GPC3: variants seen among roughly 807,000 people sequenced by gnomAD.
GPC3 encodes the protein glypican 3.
In GPC3, 3 loss-of-function variants were observed where a neutral mutation model predicts 34.4. The observed-to-expected ratio is 0.09, with a 90% CI of 0.04 to 0.23. GPC3 has a LOEUF of 0.23. Among genes scored for constraint, GPC3 ranks in the 10% least tolerant of loss-of-function variants. The probability of loss-of-function intolerance (pLI) is 1.00; values close to 1 mark genes in which losing one functional copy is unlikely to be tolerated. For synonymous variants in GPC3, 177 were observed against 174.0 expected (o/e 1.02, Z -0.13); for missense variants, 351 against 445.6 (o/e 0.79, Z 1.91).
rs1268216012 is a variant in GPC3, at chrX:133,953,037, C to A, written c.337+13G>T. ...CACTAAGCAGCACATCTAAAATAATCCCCAGAACTCACCTTGGAAAACCGC... is the reference window on the plus strand; with the variant it reads ...CACTAAGCAGCACATCTAAAATAATACCCAGAACTCACCTTGGAAAACCGC... On this transcript the variant is annotated intron_variant, in intron 2 of 7. Transcript: ENST00000370818. The A allele has an allele frequency of 8.3e-7, 1 of 1,200,317 alleles. No homozygotes were observed. Among genetic ancestry groups the A allele is most frequent in the South Asian group, 1.8e-5 (1 of 56,660 alleles).
chrX:133,622,551 C>T (rs2070246295), intron 6 of GPC3, among the ~76,000 whole-genome samples: 2 of 111,667 alleles, frequency 1.8e-5, no homozygotes, highest in African/African-American at 6.5e-5. Flanking sequence ...CCGATTCGAT[C>T]AACTGGAAGA....
intron 2 of GPC3, among the ~76,000 whole-genome samples, chrX:133,761,423 T>A (rs1311032382): frequency 8.9e-6 from 1 of 112,295 alleles, no homozygotes; most frequent in South Asian, 3.6e-4. Context: ...TATAAGCAAT[T>A]TATTTGTGCA....
chrX:133,670,606 G>C (rs1028494083), intron 5 of GPC3, among the ~76,000 whole-genome samples: 1 of 111,900 alleles, frequency 8.9e-6, no homozygotes, highest in Admixed American at 9.5e-5. Flanking sequence ...TTATGGACAC[G>C]ATTCAGTATT....
At chrX:133,911,250 T>A (rs2076198075) in intron 2 of GPC3, among the ~76,000 whole-genome samples, 1 of 112,133 alleles carries the variant, frequency 8.9e-6, no homozygotes, top group African/African-American at 3.2e-5. Context: ...AGTAACAAAT[T>A]AACATTCTAC....
At chrX:133,954,831 TC>T (rs1257939204) in intron 1 of GPC3, among the ~76,000 whole-genome samples, 1 of 90,092 alleles carries the variant, frequency 1.1e-5, no homozygotes, top group Non-Finnish European at 2.1e-5. Flanking sequence ...CACAGCAACC[TC>T]CACCTCCCGG....
chrX:133,970,225 G>A lies in GPC3; in HGVS notation c.175+15050C>T, dbSNP rs772693525. ...GTTAAGCAAAGGGCTGGGGAGGGGCGTGCTCAGTGGCCCAGAGGAATGTGC... is the reference window on the plus strand; with the variant it reads ...GTTAAGCAAAGGGCTGGGGAGGGGCATGCTCAGTGGCCCAGAGGAATGTGC... On this transcript the variant is annotated intron_variant, in intron 1 of 7. Coordinates refer to ENST00000370818, the MANE Select transcript of GPC3 (RefSeq NM_004484.4). 1.3e-4 allele frequency among the ~76,000 whole-genome samples: 15 copies of A among 111,639 alleles called. No homozygotes were observed. The South Asian group carries it at 1.9e-3, about 14-fold the overall frequency.
rs777918552 is a variant in GPC3, at chrX:133,754,194, A to G, written c.338-18T>C. 1 of 1,064,504 alleles carries G rather than the reference A, an allele frequency of 9.4e-7. No homozygotes were observed. Among genetic ancestry groups the G allele is most frequent in the Non-Finnish European group, 1.3e-6 (1 of 772,494 alleles). 87.7% of individuals were successfully genotyped at this position (1,064,504 alleles called of 1,213,427 possible). Reference sequence around the variant, plus strand: ...AAAGGCCTCTGTAAAAAAAAAAAAAAAAGAGACACAAAAATGTGTACAAAT... The same window carrying G: ...AAAGGCCTCTGTAAAAAAAAAAAAAGAAGAGACACAAAAATGTGTACAAAT... On this transcript the variant is annotated intron_variant, in intron 2 of 7. Coordinates refer to ENST00000370818, the MANE Select transcript of GPC3 (RefSeq NM_004484.4).
intron 2 of GPC3, among the ~76,000 whole-genome samples, chrX:133,781,790 G>C (rs1268422301): frequency 9.0e-6 from 1 of 111,435 alleles, no homozygotes; most frequent in Non-Finnish European, 1.9e-5. Context: ...CCTGTGTTCA[G>C]TGAGTGCCCG....
intron 6 of GPC3, among the ~76,000 whole-genome samples, chrX:133,651,158 AG>A (rs2070597357): frequency 9.0e-6 from 1 of 110,984 alleles, no homozygotes; most frequent in Admixed American, 9.6e-5. Flanking sequence ...ACCTTTAAAC[AG>A]GGTGGAGAGT....
intron 2 of GPC3, among the ~76,000 whole-genome samples, chrX:133,880,262 C>A (rs1041473457): frequency 8.9e-6 from 1 of 112,095 alleles, no homozygotes; most frequent in African/African-American, 3.2e-5. Flanking sequence ...AATAATTTTT[C>A]ACTCACTCAA....
intron 2 of GPC3, among the ~76,000 whole-genome samples, chrX:133,908,503 A>C (rs1460477097): frequency 9.0e-6 from 1 of 111,571 alleles, no homozygotes; most frequent in Non-Finnish European, 1.9e-5. Flanking sequence ...CCTAACCAAG[A>C]CTTGAAGGGT....
intron 3 of GPC3, among the ~76,000 whole-genome samples, chrX:133,708,486 T>G (rs2071236542): frequency 9.0e-6 from 1 of 111,716 alleles, no homozygotes; most frequent in Admixed American, 9.6e-5. Context: ...TAACCCATTT[T>G]GTGTTAATTT....
intron 3 of GPC3, among the ~76,000 whole-genome samples, chrX:133,738,693 C>T (rs1448562592): frequency 8.9e-6 from 1 of 111,755 alleles, no homozygotes; most frequent in Non-Finnish European, 1.9e-5. Context: ...GCACTAAATC[C>T]GAGCAAAAGA....
At position 133,811,459 on chromosome X, in the gene GPC3, C is replaced by T. The variant is rs1056060728; in HGVS notation, c.338-57283G>A. ...TTGTTTTGTTTTGTTTTTTGTTTTTCGGTTTTTGGTTTTTGGGTTTTTTGC... is the reference window on the plus strand; with the variant it reads ...TTGTTTTGTTTTGTTTTTTGTTTTTTGGTTTTTGGTTTTTGGGTTTTTTGC... On this transcript the variant is annotated intron_variant, in intron 2 of 7. Transcript: ENST00000370818. Among the ~76,000 whole-genome samples, 7 of 110,862 alleles carry T rather than the reference C, an allele frequency of 6.3e-5. 1 individual carries two copies. The highest frequency in any genetic ancestry group is 2.0e-4 in the African/African-American group (6 of 30,510).
intron 2 of GPC3, among the ~76,000 whole-genome samples, chrX:133,840,452 C>T (rs931548701): frequency 3.6e-5 from 4 of 111,119 alleles, no homozygotes; most frequent in Non-Finnish European, 7.5e-5. Context: ...TTGGGAGCCT[C>T]AGTGGCTTCA....
At chrX:133,575,428 C>G (rs990635265) in intron 7 of GPC3, among the ~76,000 whole-genome samples, 1 of 112,043 alleles carries the variant, frequency 8.9e-6, no homozygotes, top group Non-Finnish European at 1.9e-5. Context: ...ATTTTGACTT[C>G]CCATAACATG....
intron 7 of GPC3, among the ~76,000 whole-genome samples, chrX:133,589,408 C>T (rs1183256491): frequency 9.0e-6 from 1 of 111,196 alleles, no homozygotes; most frequent in Admixed American, 9.6e-5. Flanking sequence ...TGGAGTCTCA[C>T]TCTTGTTGTC....
chrX:133,587,307 G>A (rs2069799465), intron 7 of GPC3, among the ~76,000 whole-genome samples: 2 of 111,576 alleles, frequency 1.8e-5, no homozygotes, highest in Non-Finnish European at 3.8e-5. Flanking sequence ...TTACTCCACG[G>A]CGTACATATA....
intron 3 of GPC3, among the ~76,000 whole-genome samples, chrX:133,746,851 G>A (rs2071617996): frequency 8.9e-6 from 1 of 111,925 alleles, no homozygotes; most frequent in African/African-American, 3.2e-5. Flanking sequence ...GATAGCATGA[G>A]GAGAAAAACA....
Sources: allele counts gnomAD v4.1 joint callset (sites outside exome capture counted in the v4.1 genomes callset), GRCh38; gene constraint gnomAD v4.1.1; transcripts MANE v1.5; gene names NCBI Gene and HGNC (gene_info 2026-07-23, HGNC 2026-07-21).